The following DPP10 variants were observed in gnomAD, a reference collection of about 807,000 sequenced individuals.
DPP10 encodes the protein inactive dipeptidyl peptidase 10.
A neutral mutation model predicts 120.9 loss-of-function variants in DPP10; 33 were observed. That is an observed-to-expected ratio of 0.27 (90% confidence interval 0.21 to 0.37). DPP10 has a LOEUF of 0.37. Among genes scored for constraint, DPP10 ranks in the 10% least tolerant of loss-of-function variants. The pLI, the probability that DPP10 is intolerant of heterozygous loss-of-function variation, is 1.00. For synonymous variants in DPP10, 337 were observed against 326.1 expected (o/e 1.03, Z -0.36); for missense variants, 816 against 942.8 (o/e 0.87, Z 1.76).
intron 4 of DPP10, among the ~76,000 whole-genome samples, chr2:115,504,834 A>T (rs1167817655): frequency 6.6e-6 from 1 of 152,118 alleles, no homozygotes; most frequent in Non-Finnish European, 1.5e-5. Flanking sequence ...GAAATTAGAA[A>T]GAAAATTTCT....
intron 1 of DPP10, among the ~76,000 whole-genome samples, chr2:115,169,323 G>A (rs1342076484): frequency 6.6e-6 from 1 of 152,104 alleles, no homozygotes; most frequent in African/African-American, 2.4e-5. Flanking sequence ...ATGCTATCGT[G>A]CTTCTAGATC....
At chr2:115,109,192 T>A (rs1559105623) in intron 1 of DPP10, among the ~76,000 whole-genome samples, 2 of 152,082 alleles carry the variant, frequency 1.3e-5, no homozygotes, top group Non-Finnish European at 2.9e-5. Context: ...ACAAAGAGGT[T>A]TGGGGATTTC....
intron 1 of DPP10, among the ~76,000 whole-genome samples, chr2:114,729,668 A>G (rs1266723120): frequency 6.6e-6 from 1 of 152,226 alleles, no homozygotes; most frequent in Non-Finnish European, 1.5e-5. Context: ...TGGATTTTCT[A>G]AACTTTCCAG....
intron 1 of DPP10, among the ~76,000 whole-genome samples, chr2:115,021,337 T>C: frequency 6.6e-6 from 1 of 152,026 alleles, no homozygotes; most frequent in East Asian, 1.9e-4. Context: ...ATGGGAGATA[T>C]TACAACTGAT....
intron 3 of DPP10, among the ~76,000 whole-genome samples, chr2:115,378,478 T>C (rs1028517165): frequency 2.6e-5 from 4 of 151,886 alleles, no homozygotes; most frequent in African/African-American, 9.7e-5. Flanking sequence ...TTTCTAGATA[T>C]AGAATCATGT....
intron 1 of DPP10, among the ~76,000 whole-genome samples, chr2:115,228,836 C>T (rs890374110): frequency 2.0e-5 from 3 of 152,274 alleles, no homozygotes; most frequent in Admixed American, 6.5e-5. Context: ...CTGCAATAAA[C>T]ATAGAAGTGC....
intron 1 of DPP10, among the ~76,000 whole-genome samples, chr2:114,731,793 C>A (rs1676944150): frequency 6.6e-6 from 1 of 152,106 alleles, no homozygotes; most frequent in African/African-American, 2.4e-5. Flanking sequence ...TGTGGGGACA[C>A]CATGCGCAGC....
intron 1 of DPP10, among the ~76,000 whole-genome samples, chr2:114,574,815 C>T (rs1689933279): frequency 1.3e-5 from 2 of 152,276 alleles, no homozygotes; most frequent in African/African-American, 4.8e-5. Context: ...GAAAGTTTCT[C>T]CAAGGGCTTT....
rs918296974 is a variant in DPP10, at chr2:114,720,069, T to C, written c.60+277231T>C. On this transcript the variant is annotated intron_variant, in intron 1 of 25. Transcript: ENST00000410059. ...GTTTTTTGTTGTTTGTTTTGTTTTG[T>C]TTTGTTTTTGGTAGGTTCAGACTTT... 6.6e-5 allele frequency among the ~76,000 whole-genome samples: 10 copies of C among 152,276 alleles called. No homozygotes were observed. In the East Asian group the frequency reaches 1.2e-3, roughly 18 times the overall value.
At chr2:115,286,503 TTACATATATA>T (rs1392743169) in intron 1 of DPP10, among the ~76,000 whole-genome samples, 2 of 33,452 alleles carry the variant, frequency 6.0e-5, no homozygotes, top group Non-Finnish European at 1.5e-4. Context: ...TATATATATA[TTACATATATA>T]ATATATATAT....
chr2:114,736,320 C>T (rs928938539), intron 1 of DPP10, among the ~76,000 whole-genome samples: 1 of 152,004 alleles, frequency 6.6e-6, no homozygotes, highest in African/African-American at 2.4e-5. Context: ...CTGAGTTTCT[C>T]AAGTGCAAAG....
At chr2:114,474,935 C>T (rs1253787698) in intron 1 of DPP10, among the ~76,000 whole-genome samples, 1 of 152,220 alleles carries the variant, frequency 6.6e-6, no homozygotes, top group Non-Finnish European at 1.5e-5. Context: ...TGGTCACCCT[C>T]TGAGGAACCT....
chr2:115,482,029 C>G (rs2075462807), intron 3 of DPP10, among the ~76,000 whole-genome samples: 1 of 151,854 alleles, frequency 6.6e-6, no homozygotes, highest in Non-Finnish European at 1.5e-5. Flanking sequence ...AAACAAATAC[C>G]AGGCAAATGG....
chr2:115,073,338 A>G (rs1707525934), intron 1 of DPP10, among the ~76,000 whole-genome samples: 1 of 152,234 alleles, frequency 6.6e-6, no homozygotes, highest in Non-Finnish European at 1.5e-5. Flanking sequence ...ATGTTTTTAA[A>G]ATCCCCACTG....
chr2:115,458,929 A>T (rs538579051), intron 3 of DPP10, among the ~76,000 whole-genome samples: 2 of 152,188 alleles, frequency 1.3e-5, no homozygotes, highest in Non-Finnish European at 2.9e-5. Context: ...ATCACAAGGA[A>T]TATTAACCTA....
intron 1 of DPP10, among the ~76,000 whole-genome samples, chr2:115,092,068 C>T (rs1188107767): frequency 2.0e-5 from 3 of 152,164 alleles, no homozygotes; most frequent in Non-Finnish European, 4.4e-5. Context: ...GCCCAGGACT[C>T]TGTTGTTTTT....
Position 115,144,600 on chromosome 2 carries a change from G to A in DPP10, c.61-164639G>A, listed in dbSNP as rs375863614. 5.7e-4 allele frequency among the ~76,000 whole-genome samples: 82 copies of A among 143,942 alleles called. 1 individual carries two copies. Among genetic ancestry groups the A allele is most frequent in the African/African-American group, 1.3e-3 (52 of 38,576 alleles). The allele number at this position is 143,942 out of a possible 152,430, so 94.4% of individuals were successfully genotyped here. On this transcript the variant is annotated intron_variant, in intron 1 of 25. Transcript: ENST00000410059. ...TAAAACCTTTCCTCTTCACTCATAG[G>A]TGGGAATTGAACAATGAGAACACAT...
At chr2:115,566,052 G>A (rs763435842) in intron 5 of DPP10, among the ~76,000 whole-genome samples, 1 of 152,170 alleles carries the variant, frequency 6.6e-6, no homozygotes, top group African/African-American at 2.4e-5. Context: ...CTCCCAAAGT[G>A]CTGTAGTTAC....
intron 1 of DPP10, among the ~76,000 whole-genome samples, chr2:114,492,189 T>C (rs1398405897): frequency 6.6e-6 from 1 of 152,146 alleles, no homozygotes; most frequent in Non-Finnish European, 1.5e-5. Context: ...CTAATTAATA[T>C]ATTATTCACC....
Sources: allele counts gnomAD v4.1 joint callset (sites outside exome capture counted in the v4.1 genomes callset), GRCh38; gene constraint gnomAD v4.1.1; transcripts MANE v1.5; gene names NCBI Gene and HGNC (gene_info 2026-07-23, HGNC 2026-07-21).